The following ABHD3 variants were observed in gnomAD, a reference collection of about 807,000 sequenced individuals.
ABHD3 encodes abhydrolase domain containing 3, phospholipase, also known as phospholipase ABHD3.
ABHD3 carries 46 observed loss-of-function variants against 48.8 expected under a neutral mutation model. That is an observed-to-expected ratio of 0.94 (90% CI 0.74 to 1.20). The LOEUF (loss-of-function observed/expected upper bound fraction) is 1.20. ABHD3 is among the 50% of genes most tolerant of loss of function. ABHD3 has a pLI of 0.00. For synonymous variants in ABHD3, 192 were observed against 183.7 expected (o/e 1.04, Z -0.36); for missense variants, 490 against 497.8 (o/e 0.98, Z 0.15).
At chr18:21,669,947 G>C (rs1013515832) in intron 4 of ABHD3, among the ~76,000 whole-genome samples, 2 of 152,142 alleles carry the variant, frequency 1.3e-5, no homozygotes, top group Admixed American at 1.3e-4. Flanking sequence ...ACCCGCGGGA[G>C]AGTGGCAGAG....
intron 4 of ABHD3, among the ~76,000 whole-genome samples, chr18:21,666,727 T>C (rs1318256946): frequency 6.6e-6 from 1 of 152,326 alleles, no homozygotes; most frequent in South Asian, 2.1e-4. Context: ...AAGTTGACCA[T>C]GCTTCAATAT....
intron 6 of ABHD3, among the ~76,000 whole-genome samples, chr18:21,657,864 G>T (rs2039394614): frequency 6.6e-6 from 1 of 151,952 alleles, no homozygotes; most frequent in East Asian, 1.9e-4. Flanking sequence ...TGTACCCACA[G>T]AAATTAAAAA....
At chr18:21,702,540 T>G (rs369865908) in intron 2 of ABHD3, 42 bp from the exon 3 acceptor site, 59 of 1,415,592 alleles carry the variant, frequency 4.2e-5, no homozygotes, top group Non-Finnish European at 5.0e-5. Flanking sequence ...TTACATGTTT[T>G]AAGTCATGTC....
chr18:21,688,383 GTAA>G (rs1024889119), intron 3 of ABHD3, among the ~76,000 whole-genome samples: 3 of 151,832 alleles, frequency 2.0e-5, no homozygotes, highest in African/African-American at 4.8e-5. Context: ...TTGATTTCAG[GTAA>G]TAATAATAAC....
In ABHD3 at chr18:21,704,681, C is replaced by T; in HGVS notation, c.-16G>A. ...GGCGCTGCATGGCCCCCGAGCGCGG[C>T]GCGCGGGTCCTGCGGCGGGAGGAGA... On this transcript the variant is annotated 5_prime_UTR_variant, in exon 1 of 9. Coordinates refer to ENST00000289119, the MANE Select transcript of ABHD3 (RefSeq NM_138340.5). 3.5e-6 allele frequency: 5 copies of T among 1,448,796 alleles called. No individual in the cohort carries two copies. The highest frequency in any genetic ancestry group is 2.7e-5 in the Admixed American group (1 of 37,612). 89.7% of individuals were successfully genotyped at this position (1,448,796 alleles called of 1,614,324 possible).
chr18:21,654,127 C>T (rs1164038322), intron 8 of ABHD3, among the ~76,000 whole-genome samples: 1 of 151,982 alleles, frequency 6.6e-6, no homozygotes, highest in Non-Finnish European at 1.5e-5. Context: ...GCTGGGATTA[C>T]AGGCGTGAGC....
At chr18:21,658,286 T>C (rs2039403255) in intron 6 of ABHD3, among the ~76,000 whole-genome samples, 1 of 152,140 alleles carries the variant, frequency 6.6e-6, no homozygotes, top group South Asian at 2.1e-4. Flanking sequence ...ATTTTGGTAG[T>C]ATAAGAGCTG....
At chr18:21,675,134 C>CA (rs2039848114) in intron 4 of ABHD3, among the ~76,000 whole-genome samples, 1 of 152,160 alleles carries the variant, frequency 6.6e-6, no homozygotes, top group South Asian at 2.1e-4. Context: ...GACTGGAAGC[C>CA]AGTACTGAAA....
chr18:21,679,949 C>T (rs1462302243), intron 4 of ABHD3, among the ~76,000 whole-genome samples: 1 of 152,048 alleles, frequency 6.6e-6, no homozygotes, highest in African/African-American at 2.4e-5. Flanking sequence ...GCTGGGATTA[C>T]AGGCATGAGC....
intron 3 of ABHD3, among the ~76,000 whole-genome samples, chr18:21,689,974 G>C (rs1292434593): frequency 6.6e-6 from 1 of 151,602 alleles, no homozygotes; most frequent in Non-Finnish European, 1.5e-5. Flanking sequence ...AGACCATGAA[G>C]AAACAGGAAA....
intron 4 of ABHD3, among the ~76,000 whole-genome samples, chr18:21,681,233 C>A (rs2039999629): frequency 6.6e-6 from 1 of 152,060 alleles, no homozygotes; most frequent in Non-Finnish European, 1.5e-5. Context: ...CTAAAAGCAC[C>A]CTAAACATCT....
intron 5 of ABHD3, chr18:21,662,152 A>G (rs1003799753): frequency 4.6e-5 from 7 of 150,974 alleles, no homozygotes; most frequent in African/African-American, 1.7e-4. Context: ...TATTTTTAGT[A>G]GAGATGGGGG....
intron 3 of ABHD3, among the ~76,000 whole-genome samples, chr18:21,688,373 T>C (rs1211251742): frequency 6.6e-6 from 1 of 151,846 alleles, no homozygotes; most frequent in Non-Finnish European, 1.5e-5. Context: ...AGTCATATGA[T>C]TGATTTCAGG....
Position 21,657,095 on chromosome 18 carries a change from C to T in ABHD3, c.891+9G>A. On this transcript the variant is annotated intron_variant, in intron 7 of 8. Coordinates refer to ENST00000289119, the MANE Select transcript of ABHD3 (RefSeq NM_138340.5). ...GAAATAAAAGTATTACATAAAGTTTCTCTCCTACCTTCATGACATGATCCA... is the reference window on the plus strand; with the variant it reads ...GAAATAAAAGTATTACATAAAGTTTTTCTCCTACCTTCATGACATGATCCA... The T allele has an allele frequency of 6.2e-7, 1 of 1,613,732 alleles. No homozygotes were observed. The highest frequency in any genetic ancestry group is 1.1e-5 in the South Asian group (1 of 91,076).
In ABHD3 at chr18:21,703,668, T is replaced by G. The variant is rs572910842; in HGVS notation, c.242A>C (p.Tyr81Ser). Residue 81 changes from tyrosine (Y) to serine (S), a missense_variant, in exon 2 of 9, where the codon TAC (tyrosine) becomes TCC (serine). Physicochemically the swap from Tyr to Ser is moderately radical, Grantham distance 144 (BLOSUM62 -2). Coordinates refer to ENST00000289119, the MANE Select transcript of ABHD3 (RefSeq NM_138340.5). ...ACCCTCCCAGCACCAGACCGTCGGG[T>G]AGTACGTTTCTGTAACCACGGGACA... is the stretch of plus-strand genomic sequence containing the variant. ...DHCPVVTETY[Y>S]PTVWCWEGRG... The G allele has an allele frequency of 6.2e-7, 1 of 1,613,978 alleles. No homozygotes were observed. The highest frequency in any genetic ancestry group is 8.5e-7 in the Non-Finnish European group (1 of 1,179,990).
At position 21,651,884 on chromosome 18, in the gene ABHD3, C is replaced by A. The variant is rs190974817; in HGVS notation, c.1058-121G>T. 199 of 837,388 alleles carry A rather than the reference C, an allele frequency of 2.4e-4. No homozygotes were observed. The East Asian group carries it at 4.0e-3, about 17-fold the overall frequency. The allele number at this position is 837,388 out of a possible 1,614,324, so 51.9% of individuals were successfully genotyped here. A position where few individuals can be genotyped will look rare whatever the true frequency, so the allele number is the denominator to read the frequency against. ...TGTCTAATAAACAGAAATCAAAACA[C>A]CATTATATAAATATATGTAATGAGC... On this transcript the variant is annotated intron_variant, in intron 8 of 8. Transcript: ENST00000289119.
At chr18:21,659,795 C>T (rs1037836280) in intron 5 of ABHD3, among the ~76,000 whole-genome samples, 1 of 151,812 alleles carries the variant, frequency 6.6e-6, no homozygotes, top group Non-Finnish European at 1.5e-5. Context: ...CAGCCTCCCG[C>T]GTAGCTGGGA....
chr18:21,665,187 C>T (rs927941602), intron 4 of ABHD3, among the ~76,000 whole-genome samples: 1 of 151,930 alleles, frequency 6.6e-6, no homozygotes, highest in South Asian at 2.1e-4. Flanking sequence ...TCAAGTGATC[C>T]GCCTGCCTCA....
chr18:21,663,007 G>A (rs1568140712), intron 5 of ABHD3, among the ~76,000 whole-genome samples: 1 of 152,168 alleles, frequency 6.6e-6, no homozygotes, highest in Non-Finnish European at 1.5e-5. Flanking sequence ...ACAATTCAGA[G>A]AGTCTGCGTG....
Sources: allele counts gnomAD v4.1 joint callset (sites outside exome capture counted in the v4.1 genomes callset), GRCh38; gene constraint gnomAD v4.1.1; transcripts MANE v1.5; gene names NCBI Gene and HGNC (gene_info 2026-07-23, HGNC 2026-07-21).